Variants in TBC1D22A observed in about 807,000 individuals in gnomAD.
The protein encoded by TBC1D22A is putative GTPase activator.
A neutral mutation model predicts 60.2 loss-of-function variants in TBC1D22A; 38 were observed. The ratio of observed to expected loss-of-function variants is 0.63; its 90% CI spans 0.49 to 0.83. The LOEUF (loss-of-function observed/expected upper bound fraction) is 0.83, where lower values mean the gene tolerates loss of function less well. Among genes scored for constraint, TBC1D22A ranks in the 40% least tolerant of loss-of-function variants. TBC1D22A has a pLI of 0.00. For missense variants in TBC1D22A, 628 were observed against 701.0 expected (o/e 0.90, Z 1.18); for synonymous variants, 302 against 281.7 (o/e 1.07, Z -0.72).
intron 12 of TBC1D22A, among the ~76,000 whole-genome samples, chr22:47,144,571 G>T (rs1213588584): frequency 6.6e-6 from 1 of 152,224 alleles, no homozygotes; most frequent in Non-Finnish European, 1.5e-5. Flanking sequence ...GCACATACGC[G>T]CATGCACTTA....
At chr22:47,043,314 G>A (rs1040740623) in intron 11 of TBC1D22A, among the ~76,000 whole-genome samples, 19 of 152,184 alleles carry the variant, frequency 1.2e-4, no homozygotes, top group African/African-American at 3.4e-4. Flanking sequence ...CAGAGCAGGC[G>A]AAGGGTGTGG....
chr22:47,124,884 G>A (rs2066401081), intron 12 of TBC1D22A, among the ~76,000 whole-genome samples: 2 of 152,174 alleles, frequency 1.3e-5, no homozygotes, highest in Non-Finnish European at 2.9e-5. Context: ...GGCGGGCAGA[G>A]GCCTGGAGGG....
intron 12 of TBC1D22A, among the ~76,000 whole-genome samples, chr22:47,144,395 G>T (rs1361417650): frequency 6.6e-6 from 1 of 152,222 alleles, no homozygotes; most frequent in Non-Finnish European, 1.5e-5. Flanking sequence ...TAAAGATGAA[G>T]AAGTGAGACC....
chr22:47,002,153 A>G (rs79570063), intron 10 of TBC1D22A, among the ~76,000 whole-genome samples: 1,756 of 152,392 alleles, frequency 0.012, 35 homozygotes, highest in African/African-American at 0.039. Context: ...TCCAACTGAT[A>G]GAATTTCAGC....
At chr22:47,021,896 G>A (rs375196721) in intron 10 of TBC1D22A, among the ~76,000 whole-genome samples, 5 of 152,134 alleles carry the variant, frequency 3.3e-5, no homozygotes, top group Admixed American at 1.3e-4. Context: ...ACTGCCACCC[G>A]CTTGCCACCC....
intron 4 of TBC1D22A, among the ~76,000 whole-genome samples, chr22:46,806,783 G>T (rs115884189): frequency 6.6e-6 from 1 of 152,162 alleles, no homozygotes; most frequent in Non-Finnish European, 1.5e-5. Context: ...CTGAGAGGGC[G>T]GAGGTGAGTG....
chr22:46,792,748 G>A lies in TBC1D22A; in HGVS notation c.119+172G>A, dbSNP rs893535083. ...CTTTGTGTGAGATACTGTGCACCCC[G>A]TGCTGCGCATCCCGGTGAAGACGGC... On this transcript the variant is annotated intron_variant, in intron 2 of 12. Coordinates refer to ENST00000337137, the MANE Select transcript of TBC1D22A (RefSeq NM_014346.5). 2.9e-5 allele frequency: 43 copies of A among 1,494,256 alleles called. 1 individual carries two copies. In the East Asian group the frequency reaches 7.7e-4, roughly 27 times the overall value. The allele number at this position is 1,494,256 out of a possible 1,614,324, so 92.6% of individuals were successfully genotyped here.
chr22:47,053,809 C>G (rs2063305803), intron 11 of TBC1D22A, among the ~76,000 whole-genome samples: 3 of 152,260 alleles, frequency 2.0e-5, no homozygotes, highest in African/African-American at 4.8e-5. Context: ...CTTGTGGACT[C>G]AGACATATAC....
chr22:46,816,214 C>T (rs149545939), intron 4 of TBC1D22A, among the ~76,000 whole-genome samples: 17 of 152,314 alleles, frequency 1.1e-4, no homozygotes, highest in African/African-American at 4.1e-4. Context: ...GTCCCTGAGC[C>T]TCCCCACTGG....
chr22:46,874,066 TC>T (rs1200329257), intron 4 of TBC1D22A, among the ~76,000 whole-genome samples: 1 of 152,202 alleles, frequency 6.6e-6, no homozygotes, highest in Non-Finnish European at 1.5e-5. Context: ...TGCCTCGGCC[TC>T]CCAAAGTGCT....
chr22:47,145,658 G>A (rs937447593), intron 12 of TBC1D22A, among the ~76,000 whole-genome samples: 1 of 152,194 alleles, frequency 6.6e-6, no homozygotes, highest in African/African-American at 2.4e-5. Flanking sequence ...AGTTTTTTAT[G>A]TTTATGGTAT....
At chr22:46,963,693 G>A (rs982803304) in intron 8 of TBC1D22A, among the ~76,000 whole-genome samples, 4 of 152,214 alleles carry the variant, frequency 2.6e-5, no homozygotes, top group Non-Finnish European at 5.9e-5. Context: ...GTGCCACTCC[G>A]GGCAGGACAT....
intron 12 of TBC1D22A, among the ~76,000 whole-genome samples, chr22:47,169,238 A>T (rs778709528): frequency 6.0e-5 from 9 of 151,076 alleles, no homozygotes; most frequent in Non-Finnish European, 1.2e-4. Flanking sequence ...GGTAGGGCCA[A>T]CCCCCACCCC....
chr22:47,087,131 G>T (rs1327989678), intron 11 of TBC1D22A, among the ~76,000 whole-genome samples: 1 of 152,236 alleles, frequency 6.6e-6, no homozygotes, highest in East Asian at 1.9e-4. Flanking sequence ...CCTGTTGATT[G>T]GTTGGCAGAG....
At chr22:46,970,653 G>A (rs2074011168) in intron 8 of TBC1D22A, among the ~76,000 whole-genome samples, 1 of 152,206 alleles carries the variant, frequency 6.6e-6, no homozygotes, top group South Asian at 2.1e-4. Flanking sequence ...CAGCATGCCT[G>A]GCGGACAGTG....
At chr22:46,942,159 A>G (rs1196333894) in intron 8 of TBC1D22A, among the ~76,000 whole-genome samples, 1 of 151,988 alleles carries the variant, frequency 6.6e-6, no homozygotes, top group Non-Finnish European at 1.5e-5. Context: ...ATATACACAC[A>G]GTCCACAGTC....
At chr22:46,925,689 G>A (rs769238463) in intron 8 of TBC1D22A, among the ~76,000 whole-genome samples, 1 of 152,126 alleles carries the variant, frequency 6.6e-6, no homozygotes, top group Non-Finnish European at 1.5e-5. Context: ...CCATTTTCCA[G>A]TGTCATTCAA....
chr22:46,781,217 C>T (rs1384923757), intron 1 of TBC1D22A, among the ~76,000 whole-genome samples: 1 of 150,520 alleles, frequency 6.6e-6, no homozygotes, highest in Non-Finnish European at 1.5e-5. Flanking sequence ...GCTGGTGTCA[C>T]TGCTGGAGTG....
At chr22:46,849,681 T>C (rs1569127838) in intron 4 of TBC1D22A, among the ~76,000 whole-genome samples, 2 of 152,182 alleles carry the variant, frequency 1.3e-5, no homozygotes, top group Non-Finnish European at 2.9e-5. Context: ...TTTTCTCTGA[T>C]GGAGTGATCT....
Sources: allele counts gnomAD v4.1 joint callset (sites outside exome capture counted in the v4.1 genomes callset), GRCh38; gene constraint gnomAD v4.1.1; transcripts MANE v1.5; gene names NCBI Gene and HGNC (gene_info 2026-07-23, HGNC 2026-07-21).